USH2A: variants seen among roughly 807,000 people sequenced by gnomAD.
USH2A encodes the protein usherin, also known as Usher syndrome 2A (autosomal recessive, mild).
Under a neutral mutation model 538.9 loss-of-function variants are expected in USH2A, and 443 were observed. That is an observed-to-expected ratio of 0.82 (90% CI 0.76 to 0.89). The LOEUF (loss-of-function observed/expected upper bound fraction) is 0.89, where lower values mean the gene tolerates loss of function less well. Ranked by LOEUF, USH2A falls within the 40% of genes least tolerant of loss-of-function variation. USH2A has a pLI of 0.00. For missense variants in USH2A, 6,633 were observed against 6,324.8 expected (o/e 1.05, Z -1.65); for synonymous variants, 2,413 against 2,273.5 (o/e 1.06, Z -1.75).
At chr1:216,352,798 A>C (rs1024111275) in intron 4 of USH2A, among the ~76,000 whole-genome samples, 1 of 152,274 alleles carries the variant, frequency 6.6e-6, no homozygotes, top group East Asian at 1.9e-4. Context: ...TAAATATAGC[A>C]GTGGAAATCT....
chr1:215,846,248 T>C (rs1663843813), intron 44 of USH2A, among the ~76,000 whole-genome samples: 1 of 152,222 alleles, frequency 6.6e-6, no homozygotes, highest in Non-Finnish European at 1.5e-5. Flanking sequence ...AGTCTCGCTC[T>C]GTCACTCAGG....
At chr1:216,358,720 G>C (rs2038435830) in intron 4 of USH2A, among the ~76,000 whole-genome samples, 1 of 152,118 alleles carries the variant, frequency 6.6e-6, no homozygotes. Context: ...GTAGCTCTCA[G>C]ATGTCAAGAA....
intron 37 of USH2A, among the ~76,000 whole-genome samples, chr1:215,939,893 C>T (rs1313545839): frequency 6.6e-6 from 1 of 151,982 alleles, no homozygotes; most frequent in Non-Finnish European, 1.5e-5. Context: ...CATGAACAAC[C>T]AATCAGAATA....
At chr1:215,719,360 G>GAAAA (rs1398548558) in intron 61 of USH2A, among the ~76,000 whole-genome samples, 2 of 20,244 alleles carry the variant, frequency 9.9e-5, no homozygotes, top group Non-Finnish European at 1.9e-4. Flanking sequence ...AACCTCAGGA[G>GAAAA]ACAAAAAAAA....
intron 61 of USH2A, among the ~76,000 whole-genome samples, chr1:215,687,817 C>T (rs2102678695): frequency 6.6e-6 from 1 of 152,140 alleles, no homozygotes; most frequent in Admixed American, 6.6e-5. Context: ...TTTATTTAAG[C>T]CTTGATTAAA....
In USH2A at chr1:216,050,570, T is replaced by TCTC. The variant is rs1558231694; in HGVS notation, c.6050-1924_6050-1923insGAG. Among the ~76,000 whole-genome samples, 28 of 39,600 alleles carry TCTC rather than the reference T, an allele frequency of 7.1e-4. 1 individual carries two copies. The highest frequency in any genetic ancestry group is 2.2e-3 in the African/African-American group (25 of 11,530). 26.0% of individuals were successfully genotyped at this position (39,600 alleles called of 152,430 possible). ...AGACAATTTGTATCTTTTTCTTTCT[T>TCTC]TCTTTCTTTCTTTCTTTCTTTCTTT... On this transcript the variant is annotated intron_variant, in intron 30 of 71. Coordinates refer to ENST00000307340, the MANE Select transcript of USH2A (RefSeq NM_206933.4).
rs187984294 is a variant in USH2A, at chr1:216,083,052, G to A, written c.5298+404C>T. ...AAATGATAATATTCAGTTATCAGGC[G>A]TGGTGGTAGGTCCAGGAGTGTTCAC... On this transcript the variant is annotated intron_variant, in intron 26 of 71. Coordinates refer to ENST00000307340, the MANE Select transcript of USH2A (RefSeq NM_206933.4). 4.1e-3 allele frequency among the ~76,000 whole-genome samples: 624 copies of A among 152,068 alleles called. 3 individuals are homozygous for A. The highest frequency in any genetic ancestry group is 0.013 in the African/African-American group (539 of 41,530).
chr1:216,037,093 CATT>C (rs1207542458), intron 32 of USH2A, among the ~76,000 whole-genome samples: 1 of 152,004 alleles, frequency 6.6e-6, no homozygotes, highest in African/African-American at 2.4e-5. Context: ...GTCTTTTTTA[CATT>C]ATTAACTGAA....
chr1:216,200,184 T>C, intron 16 of USH2A, 63 bp from the exon 17 acceptor site: 2 of 1,513,396 alleles, frequency 1.3e-6, no homozygotes, highest in South Asian at 1.2e-5. Flanking sequence ...GAATCATTGC[T>C]AACTGCTTTC....
chr1:215,786,368 G>C (rs1444593002), intron 52 of USH2A, among the ~76,000 whole-genome samples: 2 of 152,096 alleles, frequency 1.3e-5, no homozygotes, highest in African/African-American at 4.8e-5. Context: ...TTTTGAAAAA[G>C]GAAATTGGAT....
rs750504383 is a variant in USH2A at position 215,952,515 on chromosome 1, T to G, written c.7120+12802A>C. ...TTTGGCATGGTTTTGCAGTGGCTGG[T>G]ACTGGTTGTTCCTTTCCATGTTGAA... is the stretch of plus-strand genomic sequence containing the variant. On this transcript the variant is annotated intron_variant, in intron 37 of 71. Transcript: ENST00000307340. 1.0e-3 allele frequency among the ~76,000 whole-genome samples: 159 copies of G among 152,318 alleles called. 2 individuals carry two copies. The highest frequency in any genetic ancestry group is 1.9e-3 in the Non-Finnish European group (128 of 68,016).
intron 32 of USH2A, among the ~76,000 whole-genome samples, chr1:216,015,106 C>A (rs1292334670): frequency 6.6e-6 from 1 of 152,162 alleles, no homozygotes; most frequent in Admixed American, 6.5e-5. Context: ...TCTCTCTGTG[C>A]AACCTTCCCA....
intron 14 of USH2A, among the ~76,000 whole-genome samples, chr1:216,223,874 A>G (rs2035509812): frequency 6.6e-6 from 1 of 152,220 alleles, no homozygotes. Context: ...AAGGCCTGTG[A>G]AAAGATTACT....
Position 215,813,626 on chromosome 1 carries a change from G to A in USH2A, c.9739+110C>T, listed in dbSNP as rs138041430. The A allele has an allele frequency of 1.3e-4, 181 of 1,357,734 alleles. No individual in the cohort carries two copies. The East Asian group carries it at 3.1e-3, about 23-fold the overall frequency. 84.1% of individuals were successfully genotyped at this position (1,357,734 alleles called of 1,614,324 possible). Reference sequence around the variant, plus strand: ...GCAGGCCATTGGCTATGTGTTTATGGTTCAATTTTTGTTGAGAGGGAGGTG... The same window carrying A: ...GCAGGCCATTGGCTATGTGTTTATGATTCAATTTTTGTTGAGAGGGAGGTG... On this transcript the variant is annotated intron_variant, in intron 49 of 71. Transcript: ENST00000307340.
At chr1:215,702,464 T>C (rs2102690883) in intron 61 of USH2A, among the ~76,000 whole-genome samples, 1 of 152,268 alleles carries the variant, frequency 6.6e-6, no homozygotes, top group East Asian at 1.9e-4. Flanking sequence ...ACCAATTAAA[T>C]GTAGGTTTGA....
rs1040337139 is a variant in USH2A, at chr1:215,639,076, A to G, written c.15052+79T>C. Reference sequence around the variant, plus strand: ...TCTATGCTAATATATTAGGACTCCAAGTATGTATAAACAAACATATGTGTG... The same window carrying G: ...TCTATGCTAATATATTAGGACTCCAGGTATGTATAAACAAACATATGTGTG... On this transcript the variant is annotated intron_variant, in intron 69 of 71. Transcript: ENST00000307340. The G allele has an allele frequency of 3.8e-6, 5 of 1,327,626 alleles. No homozygotes were observed. In the African/African-American group the frequency reaches 4.3e-5, roughly 12 times the overall value. The allele number at this position is 1,327,626 out of a possible 1,614,324, so 82.2% of individuals were successfully genotyped here.
intron 16 of USH2A, 72 bp downstream of exon 16, chr1:216,207,201 C>A (rs1384804737): frequency 7.0e-6 from 11 of 1,580,988 alleles, no homozygotes; most frequent in East Asian, 2.2e-5. Context: ...CATTTATCCT[C>A]AATGTCAAAG....
chr1:215,869,784 C>T (rs1293593008), intron 43 of USH2A, among the ~76,000 whole-genome samples: 1 of 152,128 alleles, frequency 6.6e-6, no homozygotes, highest in African/African-American at 2.4e-5. Context: ...TTCTTTCCTA[C>T]ATGTGGAATT....
chr1:215,989,235 G>C (rs1667949412), intron 35 of USH2A, among the ~76,000 whole-genome samples: 1 of 152,126 alleles, frequency 6.6e-6, no homozygotes, highest in Admixed American at 6.5e-5. Context: ...CTGATTAACA[G>C]AGTCAAGATT....
Sources: allele counts gnomAD v4.1 joint callset (sites outside exome capture counted in the v4.1 genomes callset), GRCh38; gene constraint gnomAD v4.1.1; transcripts MANE v1.5; gene names NCBI Gene and HGNC (gene_info 2026-07-23, HGNC 2026-07-21).